Variants in CFAP77 observed in about 807,000 individuals in gnomAD.
CFAP77 encodes the protein cilia and flagella associated protein 77.
A neutral mutation model predicts 31.1 loss-of-function variants in CFAP77; 25 were observed. That is an observed-to-expected ratio of 0.80 (90% CI 0.59 to 1.12). The LOEUF is 1.12. Ranked by LOEUF, CFAP77 falls within the 50% of genes most tolerant of loss-of-function variation. The probability of loss-of-function intolerance (pLI) is 0.00; values close to 1 mark genes in which losing one functional copy is unlikely to be tolerated. For synonymous variants in CFAP77, 151 were observed against 159.9 expected (o/e 0.94, Z 0.42); for missense variants, 377 against 397.3 (o/e 0.95, Z 0.44).
rs1478347940 is a variant in CFAP77, at chr9:132,539,000, T to G, written c.630+1294T>G. On this transcript the variant is annotated intron_variant, in intron 4 of 5. Coordinates refer to ENST00000393216, the MANE Select transcript of CFAP77 (RefSeq NM_001282957.2). Reference sequence around the variant, plus strand: ...TACTCGGGAGGCTGAGGCAAGAGAGTTGCTTGGACCCAGGAGGTGGAGGTT... The same window carrying G: ...TACTCGGGAGGCTGAGGCAAGAGAGGTGCTTGGACCCAGGAGGTGGAGGTT... Among the ~76,000 whole-genome samples the G allele has an allele frequency of 2.6e-5, 4 of 151,516 alleles. No individual in the cohort carries two copies. In the East Asian group the frequency reaches 7.7e-4, roughly 29 times the overall value.
rs1462741864 is a variant in CFAP77 at position 132,539,771 on chromosome 9, A to AT, written c.630+2069dup. Among the ~76,000 whole-genome samples, 6 of 152,184 alleles carry AT rather than the reference A, an allele frequency of 3.9e-5. No homozygotes were observed. Among genetic ancestry groups the AT allele is most frequent in the Admixed American group, 3.3e-4 (5 of 15,296 alleles). ...TTAAAGAGCTCGGCCTTGTAATAAC[A>AT]TTTTAAGAGCAACCCACGACTAGTT... On this transcript the variant is annotated intron_variant, in intron 4 of 5. Coordinates refer to ENST00000393216, the MANE Select transcript of CFAP77 (RefSeq NM_001282957.2). The surrounding 1 kb of genome is among the most constrained non-coding windows in gnomAD (Gnocchi z 4.3).
At chr9:132,521,540 C>A (rs903139155) in intron 3 of CFAP77, among the ~76,000 whole-genome samples, 5 of 152,126 alleles carry the variant, frequency 3.3e-5, no homozygotes, top group African/African-American at 1.2e-4. Flanking sequence ...ACTTCAAACA[C>A]CTCGCATGTG....
At chr9:132,566,884 T>C (rs894152934) in intron 5 of CFAP77, among the ~76,000 whole-genome samples, 1 of 152,200 alleles carries the variant, frequency 6.6e-6, no homozygotes, top group Non-Finnish European at 1.5e-5. Context: ...GAGAAGTCCT[T>C]GCTGGCCGCT....
At chr9:132,562,659 G>A (rs903817729) in intron 5 of CFAP77, among the ~76,000 whole-genome samples, 1 of 151,968 alleles carries the variant, frequency 6.6e-6, no homozygotes, top group African/African-American at 2.4e-5. Flanking sequence ...GGCCACTCAG[G>A]GCCATTGAGC....
At chr9:132,429,452 C>T (rs1308363150) in intron 1 of CFAP77, among the ~76,000 whole-genome samples, 11 of 137,956 alleles carry the variant, frequency 8.0e-5, no homozygotes, top group Non-Finnish European at 1.4e-4. Flanking sequence ...GCAGGAGAAT[C>T]GCTTGAACCC....
intron 1 of CFAP77, among the ~76,000 whole-genome samples, chr9:132,463,501 A>G (rs1316416887): frequency 2.0e-5 from 3 of 152,130 alleles, no homozygotes; most frequent in African/African-American, 7.2e-5. Context: ...GGCCACCCCC[A>G]CCTGGATACC....
At chr9:132,531,633 G>GC (rs575939941) in intron 3 of CFAP77, among the ~76,000 whole-genome samples, 3 of 145,438 alleles carry the variant, frequency 2.1e-5, no homozygotes, top group East Asian at 4.4e-4. Context: ...CATGGGGGGG[G>GC]GGGCATGGAA....
intron 1 of CFAP77, among the ~76,000 whole-genome samples, chr9:132,435,263 G>A (rs941707411): frequency 2.6e-5 from 4 of 152,148 alleles, no homozygotes; most frequent in Non-Finnish European, 5.9e-5. Flanking sequence ...TAATGAAAAT[G>A]TCACCACGAG....
chr9:132,544,118 C>T (rs867046740), intron 5 of CFAP77, among the ~76,000 whole-genome samples: 3 of 152,156 alleles, frequency 2.0e-5, no homozygotes, highest in Non-Finnish European at 2.9e-5. Flanking sequence ...CTAATGCACT[C>T]GAACAGGCTG....
chr9:132,544,949 T>C (rs1852709863), intron 5 of CFAP77, among the ~76,000 whole-genome samples: 1 of 152,066 alleles, frequency 6.6e-6, no homozygotes, highest in African/African-American at 2.4e-5. Flanking sequence ...CCCTCCTCTC[T>C]GATTTAGAGC....
Position 132,480,005 on chromosome 9 carries a change from C to T in CFAP77, c.196-18690C>T, listed in dbSNP as rs985345602. Among the ~76,000 whole-genome samples, 4 of 152,272 alleles carry T rather than the reference C, an allele frequency of 2.6e-5. No homozygotes were observed. The highest frequency in any genetic ancestry group is 1.9e-4 in the East Asian group (1 of 5,178). ...CCCTGAGCAGGAGAAGCAGATGATGCGGCTCTGGATGACACGGATGGAGAC... is the reference window on the plus strand; with the variant it reads ...CCCTGAGCAGGAGAAGCAGATGATGTGGCTCTGGATGACACGGATGGAGAC... On this transcript the variant is annotated intron_variant, in intron 1 of 5. Transcript: ENST00000393216. This position sits in a 1 kb window ranked among gnomAD's most constrained non-coding sequence, Gnocchi z 5.8.
In CFAP77 at chr9:132,441,652, C is replaced by T. The variant is rs569524415; in HGVS notation, c.195+31186C>T. Among the ~76,000 whole-genome samples the T allele has an allele frequency of 5.3e-5, 8 of 152,326 alleles. No homozygotes were observed. In the South Asian group the frequency reaches 1.4e-3, roughly 28 times the overall value. On this transcript the variant is annotated intron_variant, in intron 1 of 5. Coordinates refer to ENST00000393216, the MANE Select transcript of CFAP77 (RefSeq NM_001282957.2). ...AGTTGCCAATTACCTTAATCATCCT[C>T]CTCAGGGTAACAACAAGGAAGTGCT...
At chr9:132,438,541 A>ATATATATATATATATTTTT in intron 1 of CFAP77, among the ~76,000 whole-genome samples, 1 of 108,154 alleles carries the variant, frequency 9.2e-6, no homozygotes, top group Non-Finnish European at 1.8e-5. Flanking sequence ...ATATATATAT[A>ATATATATATATATATTTTT]TTTTTTTTTT....
At chr9:132,521,029 G>A (rs1358031635) in intron 3 of CFAP77, among the ~76,000 whole-genome samples, 2 of 152,270 alleles carry the variant, frequency 1.3e-5, no homozygotes, top group Non-Finnish European at 2.9e-5. Context: ...AGGTCTGAGA[G>A]CAGCAGATCT....
At chr9:132,544,842 C>T (rs954347743) in intron 5 of CFAP77, among the ~76,000 whole-genome samples, 1 of 152,128 alleles carries the variant, frequency 6.6e-6, no homozygotes, top group Non-Finnish European at 1.5e-5. Flanking sequence ...TTCATGGGGA[C>T]GCTGCCTGAG....
At position 132,517,190 on chromosome 9, in the gene CFAP77, A is replaced by G. The variant is rs1354238873; in HGVS notation, c.524+17590A>G. ...CCTTCTCCCTCCTCCCAAACCAGCC[A>G]TCTACGGTCTCAGGCCCAGCCTCAG... On this transcript the variant is annotated intron_variant, in intron 3 of 5. Transcript: ENST00000393216. The surrounding 1 kb of genome is among the most constrained non-coding windows in gnomAD (Gnocchi z 4.7). 1.3e-5 allele frequency among the ~76,000 whole-genome samples: 2 copies of G among 152,102 alleles called. No homozygotes were observed. Among genetic ancestry groups the G allele is most frequent in the African/African-American group, 4.8e-5 (2 of 41,404 alleles).
In CFAP77 at chr9:132,564,996, GAGAGTT is replaced by G; in HGVS notation, c.733-7388_733-7383del. On this transcript the variant is annotated intron_variant, in intron 5 of 5. Transcript: ENST00000393216. The surrounding 1 kb of genome is among the most constrained non-coding windows in gnomAD (Gnocchi z 4.6). ...CTTGGGTTTTCCATCTGTAGTATGG[GAGAGTT>G]AGATTCGATATCACTAAGGTCTCTT... Among the ~76,000 whole-genome samples the G allele has an allele frequency of 1.3e-5, 2 of 152,216 alleles. 1 individual carries two copies. The highest frequency in any genetic ancestry group is 4.2e-4 in the South Asian group (2 of 4,814).
At position 132,499,321 on chromosome 9, in the gene CFAP77, G is replaced by T. The variant is rs139567027; in HGVS notation, c.296-51G>T. The T allele has an allele frequency of 6.5e-7, 1 of 1,545,218 alleles. No homozygotes were observed. ...TTTCTTCTCGATCAGCTGCCTCAGGGTGCTTACTCCCAGGCTGACCACTGC... is the reference window on the plus strand; with the variant it reads ...TTTCTTCTCGATCAGCTGCCTCAGGTTGCTTACTCCCAGGCTGACCACTGC... On this transcript the variant is annotated intron_variant, in intron 2 of 5. Coordinates refer to ENST00000393216, the MANE Select transcript of CFAP77 (RefSeq NM_001282957.2). This position sits in a 1 kb window ranked among gnomAD's most constrained non-coding sequence, Gnocchi z 5.4.
chr9:132,464,025 C>T (rs967459334), intron 1 of CFAP77, among the ~76,000 whole-genome samples: 3 of 152,192 alleles, frequency 2.0e-5, no homozygotes, highest in Admixed American at 1.3e-4. Flanking sequence ...CGGAAAGAGG[C>T]TGCTTTCCCT....
Sources: gnomAD v4.1 joint callset for allele counts (sites outside exome capture counted in the v4.1 genomes callset) on GRCh38, gnomAD v4.1.1 for gene constraint, Gnocchi (gnomAD v3.1) non-coding constraint, MANE v1.5 for transcripts, NCBI Gene and HGNC (gene_info 2026-07-23, HGNC 2026-07-21) for gene names.